Variants in HSD17B4 observed in about 807,000 individuals in gnomAD.
HSD17B4 encodes the protein peroxisomal multifunctional enzyme type 2.
In HSD17B4, 70 loss-of-function variants were observed where a neutral mutation model predicts 101.0. The ratio of observed to expected loss-of-function variants is 0.69; its 90% CI spans 0.57 to 0.85. The LOEUF (loss-of-function observed/expected upper bound fraction) is 0.85, where lower values mean the gene tolerates loss of function less well. Among genes scored for constraint, HSD17B4 ranks in the 40% least tolerant of loss-of-function variants. The pLI, the probability that HSD17B4 is intolerant of heterozygous loss-of-function variation, is 0.00. For missense variants in HSD17B4, 984 were observed against 892.4 expected (o/e 1.10, Z -1.31); for synonymous variants, 347 against 297.1 (o/e 1.17, Z -1.73).
At chr5:119,466,572 G>T (rs746912864) in intron 2 of HSD17B4, among the ~76,000 whole-genome samples, 2 of 151,982 alleles carry the variant, frequency 1.3e-5, no homozygotes, top group Non-Finnish European at 2.9e-5. Context: ...TTTTCCTCCA[G>T]TTTGTTGGCG....
intron 17 of HSD17B4, among the ~76,000 whole-genome samples, chr5:119,522,333 CATT>C (rs1753193124): frequency 6.6e-6 from 1 of 152,086 alleles, no homozygotes; most frequent in Non-Finnish European, 1.5e-5. Context: ...TCCAGTCTAT[CATT>C]GTTGGACATT....
chr5:119,455,064 A>G (rs1754471230), intron 1 of HSD17B4, among the ~76,000 whole-genome samples: 1 of 152,244 alleles, frequency 6.6e-6, no homozygotes, highest in African/African-American at 2.4e-5. Flanking sequence ...TTAAAATGTA[A>G]AAAATATACA....
chr5:119,511,910 GA>G (rs1259246936), intron 16 of HSD17B4, among the ~76,000 whole-genome samples: 1 of 152,200 alleles, frequency 6.6e-6, no homozygotes, highest in African/African-American at 2.4e-5. Flanking sequence ...ACAGGCAACA[GA>G]AACTGCCTTT....
chr5:119,455,475 C>T (rs1299556238), intron 1 of HSD17B4, among the ~76,000 whole-genome samples: 2 of 151,722 alleles, frequency 1.3e-5, no homozygotes, highest in Non-Finnish European at 2.9e-5. Flanking sequence ...CGAGATCATG[C>T]CACTGCACTC....
At chr5:119,514,349 A>C (rs3797365) in intron 16 of HSD17B4, among the ~76,000 whole-genome samples, 6,596 of 152,252 alleles carry the variant, frequency 0.043, 575 homozygotes, top group East Asian at 0.42. Flanking sequence ...AATTTACTTA[A>C]ATTATTCTAT....
chr5:119,460,468 A>G (rs1175539519), intron 2 of HSD17B4, among the ~76,000 whole-genome samples: 2 of 152,226 alleles, frequency 1.3e-5, no homozygotes, highest in Non-Finnish European at 2.9e-5. Context: ...AATCTGGATT[A>G]TGGGGGAAAA....
intron 19 of HSD17B4, among the ~76,000 whole-genome samples, chr5:119,526,320 C>A (rs1432556092): frequency 1.3e-5 from 2 of 149,004 alleles, no homozygotes; most frequent in Non-Finnish European, 3.0e-5. Flanking sequence ...CTTGAAAACT[C>A]AAGATTTGCT....
At position 119,499,544 on chromosome 5, in the gene HSD17B4, C is replaced by G; in HGVS notation, c.1200C>G (p.Asn400Lys). 6.2e-7 allele frequency: 1 copy of G among 1,603,688 alleles called. No homozygotes were observed. The highest frequency in any genetic ancestry group is 8.5e-7 in the Non-Finnish European group (1 of 1,170,600). Reference protein sequence around the residue: ...GLAEIPGLSINFAKVLHGEQY... With the variant: ...GLAEIPGLSIKFAKVLHGEQY... Reference sequence around the variant, plus strand: ...CAGAAATTCCTGGACTTTCAATCAACTTTGCAAAGGTATGCCTAATAAAAA... The same window carrying G: ...CAGAAATTCCTGGACTTTCAATCAAGTTTGCAAAGGTATGCCTAATAAAAA... The change falls in exon 13 of 24, where the codon AAC becomes AAG. Residue 400 changes from asparagine (N) to lysine (K), a missense_variant. Asn to Lys is a moderately conservative substitution (Grantham distance 94). Transcript: ENST00000510025.
chr5:119,494,328 T>C (rs868151077), intron 11 of HSD17B4, among the ~76,000 whole-genome samples: 46 of 75,962 alleles, frequency 6.1e-4, no homozygotes, highest in South Asian at 4.1e-4. Flanking sequence ...TTCTTTCTTT[T>C]CTTTCTTTCT....
intron 11 of HSD17B4, among the ~76,000 whole-genome samples, chr5:119,494,899 A>G (rs1750489958): frequency 6.6e-6 from 1 of 152,188 alleles, no homozygotes; most frequent in South Asian, 2.1e-4. Flanking sequence ...TAACTCACAT[A>G]TACATGTAAT....
chr5:119,534,070 T>C (rs1300520321), intron 22 of HSD17B4, among the ~76,000 whole-genome samples: 1 of 152,108 alleles, frequency 6.6e-6, no homozygotes, highest in African/African-American at 2.4e-5. Flanking sequence ...TTGAATACAA[T>C]GTTGCTGAGC....
chr5:119,462,708 ATTTTCT>A (rs1755385741), intron 2 of HSD17B4, among the ~76,000 whole-genome samples: 2 of 151,892 alleles, frequency 1.3e-5, no homozygotes, highest in Admixed American at 1.3e-4. Context: ...TGTACCAATG[ATTTTCT>A]TTTCTTATTA....
At chr5:119,518,040 C>T (rs920610349) in intron 17 of HSD17B4, among the ~76,000 whole-genome samples, 6 of 152,234 alleles carry the variant, frequency 3.9e-5, no homozygotes, top group South Asian at 2.1e-4. Flanking sequence ...ATCAGCAGGA[C>T]GTGGGTGGGG....
chr5:119,494,325 T>TTTTCTTTTC (rs1554064681), intron 11 of HSD17B4, among the ~76,000 whole-genome samples: 146 of 111,612 alleles, frequency 1.3e-3, no homozygotes, highest in Admixed American at 2.2e-3. Context: ...TCTTTCTTTC[T>TTTTCTTTTC]TTTCTTTCTT....
intron 17 of HSD17B4, among the ~76,000 whole-genome samples, chr5:119,516,644 C>T (rs955915690): frequency 3.3e-5 from 5 of 152,022 alleles, no homozygotes; most frequent in Non-Finnish European, 7.4e-5. Flanking sequence ...TATACCAGTT[C>T]CCTAAAAAAC....
chr5:119,483,981 C>CTT, intron 8 of HSD17B4, among the ~76,000 whole-genome samples: 1 of 152,088 alleles, frequency 6.6e-6, no homozygotes, highest in East Asian at 1.9e-4. Flanking sequence ...AAACAAGGTC[C>CTT]ACAGACATTT....
At chr5:119,480,852 C>A (rs1302189295) in intron 8 of HSD17B4, among the ~76,000 whole-genome samples, 1 of 151,958 alleles carries the variant, frequency 6.6e-6, no homozygotes, top group Non-Finnish European at 1.5e-5. Flanking sequence ...TTCTCAGGGA[C>A]GTTCCATGCT....
At chr5:119,529,631 C>G (rs557891606) in intron 20 of HSD17B4, among the ~76,000 whole-genome samples, 1 of 152,048 alleles carries the variant, frequency 6.6e-6, no homozygotes, top group African/African-American at 2.4e-5. Context: ...GGGATGGGAC[C>G]TCATAGGGTT....
chr5:119,503,602 C>T (rs1305851715), intron 14 of HSD17B4, among the ~76,000 whole-genome samples: 2 of 152,136 alleles, frequency 1.3e-5, no homozygotes, highest in Non-Finnish European at 2.9e-5. Context: ...GAGTGTCAAG[C>T]ATCAGGAGAC....
Sources: gnomAD v4.1 joint callset for allele counts (sites outside exome capture counted in the v4.1 genomes callset) on GRCh38, gnomAD v4.1.1 for gene constraint, MANE v1.5 for transcripts, NCBI Gene and HGNC (gene_info 2026-07-23, HGNC 2026-07-21) for gene names.